The following SLC24A2 variants were observed in gnomAD, a reference collection of about 807,000 sequenced individuals.
SLC24A2 encodes solute carrier family 24 member 2.
Under a neutral mutation model 62.0 loss-of-function variants are expected in SLC24A2, and 36 were observed. The observed-to-expected ratio is 0.58, with a 90% confidence interval of 0.44 to 0.77. SLC24A2 has a LOEUF of 0.77. Ranked by LOEUF, SLC24A2 falls within the 30% of genes least tolerant of loss-of-function variation. The probability of loss-of-function intolerance (pLI) is 0.00; values close to 1 mark genes in which losing one functional copy is unlikely to be tolerated. For synonymous variants in SLC24A2, 358 were observed against 294.0 expected (o/e 1.22, Z -2.23); for missense variants, 846 against 817.9 (o/e 1.03, Z -0.42).
intron 2 of SLC24A2, among the ~76,000 whole-genome samples, chr9:19,765,190 A>G (rs1040701851): frequency 6.6e-6 from 1 of 151,424 alleles, no homozygotes; most frequent in Non-Finnish European, 1.5e-5. Context: ...CTATGTATGT[A>G]TTTGCACATT....
chr9:20,181,012 C>G, the SLC24A2 span, among the ~76,000 whole-genome samples: 1 of 152,094 alleles, frequency 6.6e-6, no homozygotes. Flanking sequence ...CCCCTCCTGC[C>G]ACCTTCAGCA....
the SLC24A2 span, among the ~76,000 whole-genome samples, chr9:20,098,512 T>C: frequency 6.6e-6 from 1 of 152,228 alleles, no homozygotes; most frequent in Admixed American, 6.5e-5. Flanking sequence ...AGGAGCCATG[T>C]TGTCCTTTTG....
chr9:20,074,603 AAAGAAGGG>A, the SLC24A2 span, among the ~76,000 whole-genome samples: 7 of 36,234 alleles, frequency 1.9e-4, 1 homozygote, highest in Admixed American at 4.1e-4. Flanking sequence ...GGAAGGAAGG[AAAGAAGGG>A]AGTGAGGGAG....
At chr9:20,054,353 A>G in the SLC24A2 span, among the ~76,000 whole-genome samples, 1 of 151,676 alleles carries the variant, frequency 6.6e-6, no homozygotes, top group East Asian at 1.9e-4. Context: ...CACCACACCT[A>G]GCTAATTTTT....
chr9:19,522,123 C>T (rs1228390612), intron 9 of SLC24A2, among the ~76,000 whole-genome samples: 1 of 152,222 alleles, frequency 6.6e-6, no homozygotes, highest in Non-Finnish European at 1.5e-5. Context: ...ATCTTCCAAC[C>T]TTAGCCTTCA....
At chr9:20,104,194 CTA>C in the SLC24A2 span, among the ~76,000 whole-genome samples, 1 of 152,094 alleles carries the variant, frequency 6.6e-6, no homozygotes, top group African/African-American at 2.4e-5. Context: ...AAATATGGGA[CTA>C]TGTGAAAAGA....
intron 7 of SLC24A2, among the ~76,000 whole-genome samples, chr9:19,567,408 T>C (rs770312205): frequency 6.6e-6 from 1 of 151,046 alleles, no homozygotes; most frequent in Admixed American, 6.6e-5. Context: ...TAGCCGGGTG[T>C]GGTGGCGGGC....
In SLC24A2 at chr9:19,531,530, T is replaced by G. The variant is rs191203670; in HGVS notation, c.1480-3392A>C. ...CATAATTGACAGTGGATGCTCTGAT[T>G]AGAAGCTTTTGGTACATCAGAGTGA... On this transcript the variant is annotated intron_variant, in intron 8 of 10. Transcript: ENST00000341998. 1.8e-3 allele frequency among the ~76,000 whole-genome samples: 267 copies of G among 152,338 alleles called. 1 individual carries two copies. Among genetic ancestry groups the G allele is most frequent in the Admixed American group, 7.5e-3 (114 of 15,302 alleles).
chr9:20,215,102 G>A, the SLC24A2 span, among the ~76,000 whole-genome samples: 46 of 152,294 alleles, frequency 3.0e-4, no homozygotes, highest in African/African-American at 9.9e-4. Flanking sequence ...AGATCAAGGC[G>A]TTGGCAGATG....
At chr9:20,271,471 A>AT in the SLC24A2 span, among the ~76,000 whole-genome samples, 18,844 of 151,682 alleles carry the variant, frequency 0.12, 1,230 homozygotes, top group Middle Eastern at 0.16. Flanking sequence ...TTCCTTTTTT[A>AT]TTTTTTCTGC....
chr9:20,140,239 G>A, the SLC24A2 span, among the ~76,000 whole-genome samples: 7 of 152,174 alleles, frequency 4.6e-5, no homozygotes, highest in Non-Finnish European at 8.8e-5. Flanking sequence ...AGGTGTTCCC[G>A]AGTTTTTGTC....
intron 2 of SLC24A2, among the ~76,000 whole-genome samples, chr9:19,777,099 T>C (rs1194107896): frequency 6.6e-6 from 1 of 152,108 alleles, no homozygotes; most frequent in African/African-American, 2.4e-5. Context: ...GGTGTGGAAA[T>C]GGGGAGAGAG....
chr9:19,694,449 C>T (rs191325599), intron 2 of SLC24A2, among the ~76,000 whole-genome samples: 90 of 152,040 alleles, frequency 5.9e-4, no homozygotes, highest in Non-Finnish European at 1.6e-4. Flanking sequence ...AAAATTCTAT[C>T]GAGGACTTAT....
the SLC24A2 span, among the ~76,000 whole-genome samples, chr9:19,925,395 A>G: frequency 6.6e-6 from 1 of 152,210 alleles, no homozygotes; most frequent in African/African-American, 2.4e-5. Context: ...AATCTAATAC[A>G]TGTGAAAATT....
At chr9:19,611,939 A>G (rs1337886270) in intron 4 of SLC24A2, among the ~76,000 whole-genome samples, 1 of 152,036 alleles carries the variant, frequency 6.6e-6, no homozygotes, top group African/African-American at 2.4e-5. Flanking sequence ...AGGTGGGGGG[A>G]ACAGAGAGTA....
the SLC24A2 span, among the ~76,000 whole-genome samples, chr9:20,006,865 CT>C: frequency 6.6e-6 from 1 of 152,130 alleles, no homozygotes; most frequent in East Asian, 1.9e-4. Context: ...GCAAGCCTAA[CT>C]TTTTTTATTT....
the SLC24A2 span, among the ~76,000 whole-genome samples, chr9:20,088,548 C>T: frequency 6.6e-6 from 1 of 152,180 alleles, no homozygotes; most frequent in Non-Finnish European, 1.5e-5. Flanking sequence ...GCAGCAGTTC[C>T]AAACCTCCTG....
chr9:19,965,024 A>G, the SLC24A2 span, among the ~76,000 whole-genome samples: 1 of 151,976 alleles, frequency 6.6e-6, no homozygotes, highest in Non-Finnish European at 1.5e-5. Context: ...AGCCTTATGG[A>G]GACTGCGTAA....
At chr9:19,854,155 A>G in the SLC24A2 span, among the ~76,000 whole-genome samples, 71,745 of 151,840 alleles carry the variant, frequency 0.47, 19,446 homozygotes, top group Non-Finnish European at 0.6. Flanking sequence ...ATCCTTTTTT[A>G]TCATTTATTA....
Sources: allele counts gnomAD v4.1 joint callset (sites outside exome capture counted in the v4.1 genomes callset), GRCh38; gene constraint gnomAD v4.1.1; transcripts MANE v1.5; gene names NCBI Gene and HGNC (gene_info 2026-07-23, HGNC 2026-07-21).